LOXL2: variants seen among roughly 807,000 people sequenced by gnomAD.
LOXL2 encodes the protein lysyl oxidase homolog 2.
A neutral mutation model predicts 93.0 loss-of-function variants in LOXL2; 70 were observed. That is an observed-to-expected ratio of 0.75 (90% CI 0.62 to 0.92). The LOEUF is 0.92. Ranked by LOEUF, LOXL2 falls within the 40% of genes least tolerant of loss-of-function variation. The pLI, the probability that LOXL2 is intolerant of heterozygous loss-of-function variation, is 0.00. For synonymous variants in LOXL2, 438 were observed against 413.2 expected (o/e 1.06, Z -0.73); for missense variants, 973 against 1,054.9 (o/e 0.92, Z 1.08).
At chr8:23,346,137 T>TAATAAAAATAAAAA (rs879817966) in intron 3 of LOXL2, among the ~76,000 whole-genome samples, 3 of 75,710 alleles carry the variant, frequency 4.0e-5, no homozygotes, top group Admixed American at 2.3e-4. Context: ...TAAAATAAAA[T>TAATAAAAATAAAAA]AAAATAAATA....
At position 23,317,006 on chromosome 8, in the gene LOXL2, C is replaced by A. The variant is rs868434696; in HGVS notation, c.1579G>T (p.Asp527Tyr). The change falls in exon 9 of 14, where the codon GAC becomes TAC. Residue 527 changes from aspartate to tyrosine, a missense_variant. By Grantham distance (160) the Asp-to-Tyr change is radical. Transcript: ENST00000389131. ...ACTCCGCCCTGGGGGCAGGCCACGT[C>A]CTCCCCGTCGTGGCGGCAGTGCGCC... Reference protein sequence around the residue: ...SLAHCRHDGEDVACPQGGVQY... With the variant: ...SLAHCRHDGEYVACPQGGVQY... The A allele has an allele frequency of 6.2e-7, 1 of 1,614,178 alleles. No individual in the cohort carries two copies. The highest frequency in any genetic ancestry group is 1.7e-5 in the Admixed American group (1 of 60,018).
At chr8:23,315,240 G>T (rs922544328) in intron 9 of LOXL2, among the ~76,000 whole-genome samples, 7 of 152,210 alleles carry the variant, frequency 4.6e-5, no homozygotes, top group Non-Finnish European at 7.3e-5. Flanking sequence ...ACTGGACATG[G>T]GGGTGGTGGG....
intron 9 of LOXL2, 47 bp downstream of exon 9, chr8:23,316,902 C>G: frequency 6.7e-7 from 1 of 1,498,070 alleles, no homozygotes; most frequent in Non-Finnish European, 8.9e-7. Flanking sequence ...TGGTGGGACT[C>G]TGGTCCCCTT....
intron 5 of LOXL2, among the ~76,000 whole-genome samples, chr8:23,329,880 G>A (rs1803643470): frequency 6.6e-6 from 1 of 152,176 alleles, no homozygotes; most frequent in African/African-American, 2.4e-5. Flanking sequence ...TCTACCAATT[G>A]TACCTTGGGG....
intron 1 of LOXL2, among the ~76,000 whole-genome samples, chr8:23,379,571 C>G (rs954278685): frequency 2.0e-5 from 3 of 152,210 alleles, no homozygotes; most frequent in Non-Finnish European, 4.4e-5. Context: ...CCTTGAGCTG[C>G]GGTGGGCTGC....
intron 1 of LOXL2, among the ~76,000 whole-genome samples, chr8:23,393,768 C>T (rs1041333575): frequency 4.5e-4 from 69 of 152,260 alleles, no homozygotes; most frequent in African/African-American, 1.7e-3. Flanking sequence ...ACCAGGGCAG[C>T]AGTGGTGAGG....
intron 1 of LOXL2, among the ~76,000 whole-genome samples, chr8:23,400,019 A>G (rs1192563842): frequency 6.6e-6 from 1 of 152,252 alleles, no homozygotes; most frequent in African/African-American, 2.4e-5. Context: ...CAACAAGCGT[A>G]ACAGCAGAAC....
intron 3 of LOXL2, among the ~76,000 whole-genome samples, chr8:23,359,519 C>T (rs1804254233): frequency 6.6e-6 from 1 of 152,142 alleles, no homozygotes. Context: ...CTGCCAACAA[C>T]CATAAGAGCC....
chr8:23,331,239 G>A (rs1482442297), intron 5 of LOXL2, among the ~76,000 whole-genome samples: 1 of 152,118 alleles, frequency 6.6e-6, no homozygotes, highest in Non-Finnish European at 1.5e-5. Context: ...AAAAGGGCAT[G>A]GCTGGGGGAA....
chr8:23,299,083 G>A (rs1803085156), intron 12 of LOXL2, 136 bp from the exon 13 acceptor site: 2 of 613,146 alleles, frequency 3.3e-6, no homozygotes, highest in Non-Finnish European at 6.0e-6. Context: ...GGGTCTGTGG[G>A]TCTCAACAAA....
At chr8:23,316,655 C>A in intron 9 of LOXL2, 1 of 380,618 alleles carries the variant, frequency 2.6e-6, no homozygotes, top group Non-Finnish European at 4.6e-6. Flanking sequence ...GACGGAGGCA[C>A]TCTCAGTCAT....
rs746600929 is a variant in LOXL2, at chr8:23,298,866, G to A, written c.2215C>T (p.His739Tyr). 4 of 1,613,720 alleles carry A rather than the reference G, an allele frequency of 2.5e-6. No homozygotes were observed. Among genetic ancestry groups the A allele is most frequent in the Non-Finnish European group, 3.4e-6 (4 of 1,179,680 alleles). ...IMKCRSRYDG[H>Y]RIWMYNCHIG... ...TGGCAGTTGTACATCCAGATGCGGT[G>A]GCCGTCATAGCGGCTCCTGCATTTC... Residue 739 changes from histidine to tyrosine, a missense_variant, in exon 13 of 14, where the codon CAC (histidine) becomes TAC (tyrosine). Coordinates refer to ENST00000389131, the MANE Select transcript of LOXL2 (RefSeq NM_002318.3).
intron 1 of LOXL2, among the ~76,000 whole-genome samples, chr8:23,380,391 C>CAAAAA (rs1219621037): frequency 0.015 from 791 of 54,124 alleles, 20 homozygotes; most frequent in African/African-American, 0.059. Context: ...GACTCCGTCT[C>CAAAAA]AAAAAAAAAA....
In LOXL2 at chr8:23,303,282, C is replaced by G. The variant is rs1406797890; in HGVS notation, c.1996G>C (p.Asp666His). Residue 666 changes from aspartate to histidine, a missense_variant and splice_region_variant, in exon 11 of 14, where the codon GAC (aspartate) becomes CAC (histidine). Transcript: ENST00000389131. The part of the protein sequence containing the change: ...FCLEDTECEG[D>H]IQKNYECANF... ...CCATCCCCCCACTCCGCTCAGATAC[C>G]TCCTTCACATTCTGTGTCCTCCAAG... is the stretch of plus-strand genomic sequence containing the variant. The G allele has an allele frequency of 6.2e-7, 1 of 1,602,006 alleles. No individual in the cohort carries two copies. The highest frequency in any genetic ancestry group is 1.3e-5 in the African/African-American group (1 of 74,570).
chr8:23,318,611 C>G (rs1259830002), intron 8 of LOXL2, among the ~76,000 whole-genome samples: 1 of 152,134 alleles, frequency 6.6e-6, no homozygotes, highest in Non-Finnish European at 1.5e-5. Flanking sequence ...CAGTCCCAGG[C>G]CTATTTCAAG....
chr8:23,349,406 T>C (rs1001016335), intron 3 of LOXL2, among the ~76,000 whole-genome samples: 2 of 152,124 alleles, frequency 1.3e-5, no homozygotes, highest in African/African-American at 4.8e-5. Flanking sequence ...AAAATGTTAT[T>C]CATCCATTCA....
chr8:23,372,746 G>T (rs1309630644), intron 1 of LOXL2, among the ~76,000 whole-genome samples: 2 of 152,058 alleles, frequency 1.3e-5, no homozygotes, highest in Non-Finnish European at 2.9e-5. Context: ...ATATATAAAA[G>T]AAATATTGAT....
intron 3 of LOXL2, among the ~76,000 whole-genome samples, chr8:23,341,697 G>C (rs1803885213): frequency 1.3e-5 from 2 of 152,208 alleles, no homozygotes; most frequent in Admixed American, 6.5e-5. Context: ...ACCCCCAGAT[G>C]TCCTGAAGCT....
At chr8:23,398,876 T>C (rs1192643586) in intron 1 of LOXL2, among the ~76,000 whole-genome samples, 2 of 152,008 alleles carry the variant, frequency 1.3e-5, no homozygotes, top group African/African-American at 4.8e-5. Flanking sequence ...AAAAGGCGCC[T>C]AGAGACGTCC....
Sources: allele counts gnomAD v4.1 joint callset (sites outside exome capture counted in the v4.1 genomes callset), GRCh38; gene constraint gnomAD v4.1.1; transcripts MANE v1.5; gene names NCBI Gene and HGNC (gene_info 2026-07-23, HGNC 2026-07-21).